Variants in ITGA9 observed in about 807,000 individuals in gnomAD.
ITGA9 encodes integrin subunit alpha 9, also known as integrin alpha-9.
In ITGA9, 56 loss-of-function variants were observed where a neutral mutation model predicts 127.8. The observed-to-expected ratio is 0.44, with a 90% CI of 0.35 to 0.55. The LOEUF (loss-of-function observed/expected upper bound fraction) is 0.55, where lower values mean the gene tolerates loss of function less well. ITGA9 is among the 20% of genes least tolerant of loss of function. The probability of loss-of-function intolerance (pLI) is 0.00; values close to 1 mark genes in which losing one functional copy is unlikely to be tolerated. For synonymous variants in ITGA9, 508 were observed against 514.5 expected (o/e 0.99, Z 0.17); for missense variants, 1,196 against 1,347.1 (o/e 0.89, Z 1.76).
Position 37,823,274 on chromosome 3 carries a change from T to G in ITGA9, c.*4285T>G, listed in dbSNP as rs1299816692. The G allele has an allele frequency of 2.6e-5, 4 of 152,240 alleles. No homozygotes were observed. Among genetic ancestry groups the G allele is most frequent in the African/African-American group, 7.2e-5 (3 of 41,464 alleles). 9.4% of individuals were successfully genotyped at this position (152,240 alleles called of 1,614,324 possible). A position where few individuals can be genotyped will look rare whatever the true frequency, so the allele number is the denominator to read the frequency against. On this transcript the variant is annotated 3_prime_UTR_variant, in exon 28 of 28. Transcript: ENST00000264741. ...ACTGGCAGAGTGAGTTTAAAAGCTT[T>G]ACGAGTGATTAATTGCTTGGCAGGC...
At chr3:37,546,837 G>T (rs1019732801) in intron 15 of ITGA9, among the ~76,000 whole-genome samples, 2 of 152,174 alleles carry the variant, frequency 1.3e-5, no homozygotes, top group African/African-American at 4.8e-5. Flanking sequence ...AATAAATGCA[G>T]GTGTCCTGTT....
intron 18 of ITGA9, among the ~76,000 whole-genome samples, chr3:37,710,598 G>A (rs181869110): frequency 6.6e-6 from 1 of 152,216 alleles, no homozygotes; most frequent in East Asian, 1.9e-4. Flanking sequence ...CTTTATCTGG[G>A]GAGTGACTAC....
chr3:37,812,231 C>T (rs541157038), intron 27 of ITGA9, among the ~76,000 whole-genome samples: 6 of 152,282 alleles, frequency 3.9e-5, no homozygotes, highest in African/African-American at 7.2e-5. Context: ...GTTGCACTGT[C>T]GACATCTCGA....
chr3:37,513,998 A>G (rs1698960392), intron 9 of ITGA9, 98 bp downstream of exon 9: 1 of 1,401,272 alleles, frequency 7.1e-7, no homozygotes, highest in Non-Finnish European at 1.0e-6. Context: ...CACTGGGGGC[A>G]ATGTTACCCA....
In ITGA9 at chr3:37,493,469, T is replaced by G. The variant is rs79430621; in HGVS notation, c.545-1032T>G. 1.6e-3 allele frequency among the ~76,000 whole-genome samples: 247 copies of G among 152,258 alleles called. 6 individuals are homozygous for G. In the East Asian group the frequency reaches 0.043, roughly 26 times the overall value. On this transcript the variant is annotated intron_variant, in intron 4 of 27. Transcript: ENST00000264741. Reference sequence around the variant, plus strand: ...CAGCAATGTCAGCCTCACATGTGATTAATTTGAGTCACTGTGAACATCTCT... The same window carrying G: ...CAGCAATGTCAGCCTCACATGTGATGAATTTGAGTCACTGTGAACATCTCT...
At chr3:37,458,146 A>G (rs894862404) in intron 1 of ITGA9, among the ~76,000 whole-genome samples, 3 of 152,210 alleles carry the variant, frequency 2.0e-5, no homozygotes, top group African/African-American at 7.2e-5. Context: ...TTTCACAGGC[A>G]TAATATTCTT....
At chr3:37,745,231 A>T (rs1385766701) in intron 22 of ITGA9, among the ~76,000 whole-genome samples, 1 of 152,240 alleles carries the variant, frequency 6.6e-6, no homozygotes, top group Non-Finnish European at 1.5e-5. Context: ...CTCTCCCCAG[A>T]GTATTCTCCC....
At chr3:37,565,973 C>T (rs1699542790) in intron 15 of ITGA9, among the ~76,000 whole-genome samples, 1 of 152,214 alleles carries the variant, frequency 6.6e-6, no homozygotes, top group Non-Finnish European at 1.5e-5. Flanking sequence ...TCAGAAAAAT[C>T]TCACTATGTC....
rs148304010 is a variant in ITGA9 at position 37,623,251 on chromosome 3, A to G, written c.1690-5936A>G. ...AGAATTGGCAGATGCCTTGAGGACA[A>G]TTGTGGCGTACAGTAAACATACCTC... On this transcript the variant is annotated intron_variant, in intron 15 of 27. Coordinates refer to ENST00000264741, the MANE Select transcript of ITGA9 (RefSeq NM_002207.3). 2.2e-4 allele frequency among the ~76,000 whole-genome samples: 34 copies of G among 152,348 alleles called. No individual in the cohort carries two copies. The East Asian group carries it at 3.9e-3, about 17-fold the overall frequency.
intron 3 of ITGA9, among the ~76,000 whole-genome samples, chr3:37,477,149 A>C (rs993715864): frequency 2.6e-5 from 4 of 152,160 alleles, no homozygotes; most frequent in African/African-American, 7.2e-5. Context: ...TCTGGGAGGC[A>C]AGTATTTACT....
intron 12 of ITGA9, among the ~76,000 whole-genome samples, chr3:37,525,635 A>T (rs1699085675): frequency 6.6e-6 from 1 of 152,250 alleles, no homozygotes. Context: ...ATAAAATGAT[A>T]AAAAAGGTGA....
intron 15 of ITGA9, among the ~76,000 whole-genome samples, chr3:37,596,954 T>C (rs1699876288): frequency 6.6e-6 from 1 of 152,146 alleles, no homozygotes; most frequent in African/African-American, 2.4e-5. Context: ...CAGTTCCAAC[T>C]AGGTGTGGCT....
chr3:37,575,146 G>A (rs1310433348), intron 15 of ITGA9, among the ~76,000 whole-genome samples: 6 of 152,108 alleles, frequency 3.9e-5, no homozygotes, highest in Admixed American at 3.9e-4. Flanking sequence ...TCACCCCAAG[G>A]TACCCGTGCC....
At chr3:37,809,323 C>T (rs1370032241) in intron 27 of ITGA9, among the ~76,000 whole-genome samples, 1 of 152,002 alleles carries the variant, frequency 6.6e-6, no homozygotes, top group African/African-American at 2.4e-5. Context: ...AGGCCTCAAG[C>T]GATCTGCCTG....
chr3:37,481,017 G>A (rs1183832738), intron 3 of ITGA9, among the ~76,000 whole-genome samples: 2 of 152,100 alleles, frequency 1.3e-5, no homozygotes, highest in Non-Finnish European at 2.9e-5. Flanking sequence ...CCGCCTCTTT[G>A]ATCTTATCTC....
chr3:37,507,292 T>C (rs558215190), intron 7 of ITGA9, among the ~76,000 whole-genome samples: 1 of 152,330 alleles, frequency 6.6e-6, no homozygotes, highest in South Asian at 2.1e-4. Flanking sequence ...ATTGATGTTG[T>C]CTTCTTGGGG....
intron 23 of ITGA9, among the ~76,000 whole-genome samples, chr3:37,752,193 C>T (rs1466466127): frequency 6.6e-6 from 1 of 152,254 alleles, no homozygotes; most frequent in African/African-American, 2.4e-5. Context: ...CCTGAGAATG[C>T]TCACTGGGTC....
At chr3:37,792,511 G>T (rs1697123935) in intron 26 of ITGA9, among the ~76,000 whole-genome samples, 1 of 152,174 alleles carries the variant, frequency 6.6e-6, no homozygotes, top group African/African-American at 2.4e-5. Context: ...AGTTGGGGAG[G>T]AGAGCTGTAT....
Position 37,452,481 on chromosome 3 carries a change from GC to G in ITGA9, c.111del (p.Val38CysfsTer41). On this transcript the variant is annotated frameshift_variant, in exon 1 of 28. Transcript: ENST00000264741. LOFTEE classifies it high-confidence loss of function. The surrounding 1 kb of genome is among the most constrained non-coding windows in gnomAD (Gnocchi z 7.3). ...PAGAYNLDPQ[R>X]PVHFQGPADS... ...GGCGCCTACAACCTCGACCCGCAGC[GC>G]CCCGTGCACTTCCAGGGCCCCGCTG... is the stretch of plus-strand genomic sequence containing the variant. 6.6e-7 allele frequency: 1 copy of G among 1,512,452 alleles called. No homozygotes were observed. The highest frequency in any genetic ancestry group is 2.1e-5 in the Admixed American group (1 of 47,382). The allele number at this position is 1,512,452 out of a possible 1,614,324, so 93.7% of individuals were successfully genotyped here. A position where few individuals can be genotyped will look rare whatever the true frequency, so the allele number is the denominator to read the frequency against.
Sources: allele counts gnomAD v4.1 joint callset (sites outside exome capture counted in the v4.1 genomes callset), GRCh38; gene constraint gnomAD v4.1.1; non-coding constraint Gnocchi (gnomAD v3.1); transcripts MANE v1.5; gene names NCBI Gene and HGNC (gene_info 2026-07-23, HGNC 2026-07-21).